Variants in REPS2 observed in about 807,000 individuals in gnomAD.
REPS2 encodes ralBP1-associated Eps domain-containing protein 2.
A neutral mutation model predicts 53.6 loss-of-function variants in REPS2; 23 were observed. That is an observed-to-expected ratio of 0.43 (90% CI 0.31 to 0.61). The LOEUF is 0.61. Among genes scored for constraint, REPS2 ranks in the 20% least tolerant of loss-of-function variants. REPS2 has a pLI of 0.11. For synonymous variants in REPS2, 238 were observed against 218.6 expected (o/e 1.09, Z -0.78); for missense variants, 446 against 534.9 (o/e 0.83, Z 1.64).
chrX:17,083,419 A>G (rs1431381097), intron 13 of REPS2, among the ~76,000 whole-genome samples: 1 of 111,199 alleles, frequency 9.0e-6, no homozygotes, highest in African/African-American at 3.3e-5. Context: ...CGTTCTTCAG[A>G]TTCCATTTCA....
At chrX:17,102,885 T>G (rs186889222) in intron 13 of REPS2, among the ~76,000 whole-genome samples, 5 of 112,768 alleles carry the variant, frequency 4.4e-5, no homozygotes, top group Non-Finnish European at 7.5e-5. Flanking sequence ...GGTGTTTTTC[T>G]AAGGAGTTTT....
chrX:16,973,444 C>T (rs546044965), intron 1 of REPS2, among the ~76,000 whole-genome samples: 1 of 111,755 alleles, frequency 8.9e-6, no homozygotes, highest in South Asian at 3.8e-4. Context: ...ATTTGATTAG[C>T]AGAAATAAAG....
intron 1 of REPS2, among the ~76,000 whole-genome samples, chrX:16,970,666 C>G (rs2060877933): frequency 8.9e-6 from 1 of 112,542 alleles, no homozygotes; most frequent in Admixed American, 9.4e-5. Context: ...ACCCCATACT[C>G]ACTAGCAATC....
intron 2 of REPS2, among the ~76,000 whole-genome samples, chrX:17,018,247 C>T (rs1323845721): frequency 3.0e-5 from 3 of 101,021 alleles, no homozygotes; most frequent in Non-Finnish European, 5.9e-5. Flanking sequence ...AGTGCAGTGA[C>T]GTGATCATGG....
At chrX:17,173,030 C>T in the REPS2 span, among the ~76,000 whole-genome samples, 8 of 108,699 alleles carry the variant, frequency 7.4e-5, no homozygotes, top group African/African-American at 1.0e-4. Flanking sequence ...ATAATCTGAG[C>T]TTTGTAATTT....
In REPS2 at chrX:17,065,199, C is replaced by T. The variant is rs567534167; in HGVS notation, c.1209+2667C>T. Among the ~76,000 whole-genome samples, 3 of 112,279 alleles carry T rather than the reference C, an allele frequency of 2.7e-5. No individual in the cohort carries two copies. In the East Asian group the frequency reaches 8.4e-4, roughly 31 times the overall value. ...CTTAACTTTCTGAGGAACCACCAAA[C>T]TGCTTTCCAAAGCAACTATACTATT... On this transcript the variant is annotated intron_variant, in intron 9 of 17. Transcript: ENST00000357277.
intron 10 of REPS2, among the ~76,000 whole-genome samples, chrX:17,069,739 A>G (rs1299122505): frequency 9.0e-6 from 1 of 111,503 alleles, no homozygotes; most frequent in Non-Finnish European, 1.9e-5. Flanking sequence ...TAGAAGGAGA[A>G]CCTATTTCCA....
At chrX:17,043,281 T>C (rs1457594710) in intron 5 of REPS2, among the ~76,000 whole-genome samples, 1 of 111,380 alleles carries the variant, frequency 9.0e-6, no homozygotes, top group Non-Finnish European at 1.9e-5. Context: ...AAGGCCTTTC[T>C]AGGTTTAGGA....
At position 17,147,534 on chromosome X, in the gene REPS2, T is replaced by C; in HGVS notation, c.*53T>C. The C allele has an allele frequency of 1.0e-6, 1 of 971,907 alleles. No homozygotes were observed. Among genetic ancestry groups the C allele is most frequent in the Non-Finnish European group, 1.4e-6 (1 of 695,871 alleles). The allele number at this position is 971,907 out of a possible 1,213,427, so 80.1% of individuals were successfully genotyped here. On this transcript the variant is annotated 3_prime_UTR_variant, in exon 18 of 18. Coordinates refer to ENST00000357277, the MANE Select transcript of REPS2 (RefSeq NM_004726.3). ...TGACCTTGTCTGCCAAGATCTTTCT[T>C]TTGAATGTTTTGAACCCAACTACTT...
At chrX:16,972,818 G>A (rs926261528) in intron 1 of REPS2, among the ~76,000 whole-genome samples, 2 of 111,445 alleles carry the variant, frequency 1.8e-5, no homozygotes, top group African/African-American at 3.3e-5. Flanking sequence ...AAAAATAGTA[G>A]CATTCCTTTA....
At chrX:16,965,045 C>A (rs1436489426) in intron 1 of REPS2, among the ~76,000 whole-genome samples, 1 of 82,825 alleles carries the variant, frequency 1.2e-5, no homozygotes, top group Non-Finnish European at 2.4e-5. Context: ...GGGGGGCTGA[C>A]CCCCCCACCT....
chrX:16,951,550 CACA>C (rs2060510325), intron 1 of REPS2, among the ~76,000 whole-genome samples: 4 of 31,984 alleles, frequency 1.3e-4, no homozygotes, highest in African/African-American at 2.0e-4. Context: ...CACACACACA[CACA>C]CACACACCCC....
chrX:17,141,954 A>T (rs1175250847), intron 17 of REPS2, among the ~76,000 whole-genome samples: 1 of 111,763 alleles, frequency 8.9e-6, no homozygotes, highest in African/African-American at 3.3e-5. Context: ...TGCTTAAACA[A>T]ATTTGAAAAG....
intron 5 of REPS2, among the ~76,000 whole-genome samples, chrX:17,030,986 C>A (rs898035229): frequency 8.9e-6 from 1 of 112,323 alleles, no homozygotes; most frequent in Non-Finnish European, 1.9e-5. Flanking sequence ...AACCAATATG[C>A]CATTTGCTCC....
At chrX:17,135,502 A>C in intron 16 of REPS2, 96 bp downstream of exon 16, 1 of 966,284 alleles carries the variant, frequency 1.0e-6, no homozygotes, top group Non-Finnish European at 1.4e-6. Context: ...GCACCAACAG[A>C]AGGATTTCAT....
At chrX:17,010,252 G>A (rs1415684602) in intron 2 of REPS2, among the ~76,000 whole-genome samples, 1 of 112,379 alleles carries the variant, frequency 8.9e-6, no homozygotes, top group South Asian at 3.7e-4. Flanking sequence ...AACGCCCTAC[G>A]GGGTAATACA....
intron 11 of REPS2, among the ~76,000 whole-genome samples, chrX:17,071,868 G>A (rs984472695): frequency 8.9e-6 from 1 of 112,222 alleles, no homozygotes; most frequent in Non-Finnish European, 1.9e-5. Flanking sequence ...GAGAAGCTAT[G>A]ATCCACTTGT....
the REPS2 span, among the ~76,000 whole-genome samples, chrX:17,181,651 A>G: frequency 5.3e-5 from 6 of 112,503 alleles, no homozygotes; most frequent in Admixed American, 9.4e-5. Flanking sequence ...CATGTGCTCA[A>G]TAGTGGTTGA....
chrX:17,073,843 G>C (rs1286140421), intron 11 of REPS2, among the ~76,000 whole-genome samples: 1 of 107,328 alleles, frequency 9.3e-6, no homozygotes, highest in East Asian at 2.9e-4. Context: ...TTTTATACTG[G>C]AATGTCTTCA....
Sources: gnomAD v4.1 joint callset for allele counts (sites outside exome capture counted in the v4.1 genomes callset) on GRCh38, gnomAD v4.1.1 for gene constraint, MANE v1.5 for transcripts, NCBI Gene and HGNC (gene_info 2026-07-23, HGNC 2026-07-21) for gene names.